Variants in SRD5A2 observed in about 807,000 individuals in gnomAD.
SRD5A2 encodes the protein 3-oxo-5-alpha-steroid 4-dehydrogenase 2.
Under a neutral mutation model 27.4 loss-of-function variants are expected in SRD5A2, and 30 were observed. The observed-to-expected ratio is 1.10, with a 90% CI of 0.82 to 1.49. The LOEUF (loss-of-function observed/expected upper bound fraction) is 1.49, where lower values mean the gene tolerates loss of function less well. Ranked by LOEUF, SRD5A2 falls within the 40% of genes most tolerant of loss-of-function variation. SRD5A2 has a pLI of 0.00. For synonymous variants in SRD5A2, 141 were observed against 133.6 expected (o/e 1.06, Z -0.38); for missense variants, 348 against 323.4 (o/e 1.08, Z -0.58).
Position 31,570,218 on chromosome 2 carries a change from G to A in SRD5A2, c.281+10402C>T, listed in dbSNP as rs532572881. Among the ~76,000 whole-genome samples, 8 of 152,228 alleles carry A rather than the reference G, an allele frequency of 5.3e-5. No homozygotes were observed. In the South Asian group the frequency reaches 1.7e-3, roughly 32 times the overall value. ...CTTTATCCCTGGGATACAAGGTTGA[G>A]TCAACATATGCAAATCAGTAAATGT... On this transcript the variant is annotated intron_variant, in intron 1 of 4. Transcript: ENST00000622030.
intron 1 of SRD5A2, among the ~76,000 whole-genome samples, chr2:31,545,386 A>G (rs1367614867): frequency 1.3e-5 from 2 of 152,176 alleles, no homozygotes; most frequent in Non-Finnish European, 2.9e-5. Flanking sequence ...ACCATGATCA[A>G]GTAAGACTTA....
the SRD5A2 span, among the ~76,000 whole-genome samples, chr2:31,635,950 T>C: frequency 1.3e-5 from 2 of 152,074 alleles, no homozygotes; most frequent in Non-Finnish European, 2.9e-5. Context: ...ACTGTATCTT[T>C]GTGGCAAAGT....
the SRD5A2 span, among the ~76,000 whole-genome samples, chr2:31,646,028 C>T: frequency 6.6e-6 from 1 of 152,082 alleles, no homozygotes; most frequent in Admixed American, 6.5e-5. Flanking sequence ...ACTTTACCTC[C>T]TTCATCTTTC....
the SRD5A2 span, among the ~76,000 whole-genome samples, chr2:31,616,923 G>A: frequency 3.3e-5 from 5 of 152,084 alleles, no homozygotes; most frequent in Non-Finnish European, 2.9e-5. Context: ...ATGTGTTGTG[G>A]GAGGAACCTG....
At chr2:31,636,523 T>C in the SRD5A2 span, among the ~76,000 whole-genome samples, 3 of 152,138 alleles carry the variant, frequency 2.0e-5, no homozygotes, top group African/African-American at 4.8e-5. Flanking sequence ...TGTTGAATAA[T>C]AGCAGTGAAA....
At position 31,526,158 on chromosome 2, in the gene SRD5A2, G is replaced by C. The variant is rs1665776534; in HGVS notation, c.*38C>G. On this transcript the variant is annotated 3_prime_UTR_variant, in exon 5 of 5. Coordinates refer to ENST00000622030, the MANE Select transcript of SRD5A2 (RefSeq NM_000348.4). Reference sequence around the variant, plus strand: ...TTCAGCAGCTTGACAGTTTTCATCAGCATTGTGGGAGCTCTGCTCCTTTTT... The same window carrying C: ...TTCAGCAGCTTGACAGTTTTCATCACCATTGTGGGAGCTCTGCTCCTTTTT... The C allele has an allele frequency of 2.3e-6, 3 of 1,333,166 alleles. No homozygotes were observed. The South Asian group carries it at 3.8e-5, about 17-fold the overall frequency. 82.6% of individuals were successfully genotyped at this position (1,333,166 alleles called of 1,614,324 possible). A position where few individuals can be genotyped will look rare whatever the true frequency, so the allele number is the denominator to read the frequency against.
At chr2:31,593,948 C>T in the SRD5A2 span, among the ~76,000 whole-genome samples, 1 of 152,148 alleles carries the variant, frequency 6.6e-6, no homozygotes, top group Non-Finnish European at 1.5e-5. Flanking sequence ...TGAAACTAAT[C>T]TTCATAAATG....
intron 2 of SRD5A2, 132 bp downstream of exon 2, chr2:31,533,471 T>G (rs1306826252): frequency 4.0e-6 from 3 of 751,790 alleles, no homozygotes; most frequent in Non-Finnish European, 6.4e-6. Context: ...AGAGAAAAGA[T>G]CAGGGTAGAG....
chr2:31,621,759 C>A, the SRD5A2 span, among the ~76,000 whole-genome samples: 4 of 152,162 alleles, frequency 2.6e-5, no homozygotes, highest in East Asian at 5.8e-4. Flanking sequence ...AGCCTCTGAT[C>A]TGGAGTAGCT....
chr2:31,523,438 A>C lies in SRD5A2; in HGVS notation c.*2758T>G, dbSNP rs1665702046. The stretch of plus-strand genomic sequence containing the variant: ...CTGACCCTCAAAGGGACAAAATGAG[A>C]TGGCTGCTCTGACCAGCTCTGTACC... On this transcript the variant is annotated 3_prime_UTR_variant, in exon 5 of 5. Coordinates refer to ENST00000622030, the MANE Select transcript of SRD5A2 (RefSeq NM_000348.4). 1 of 219,886 alleles carries C rather than the reference A, an allele frequency of 4.5e-6. No homozygotes were observed. The highest frequency in any genetic ancestry group is 9.1e-6 in the Non-Finnish European group (1 of 109,778). 13.6% of individuals were successfully genotyped at this position (219,886 alleles called of 1,614,324 possible). A position where few individuals can be genotyped will look rare whatever the true frequency, so the allele number is the denominator to read the frequency against.
chr2:31,623,441 C>T, the SRD5A2 span, among the ~76,000 whole-genome samples: 2 of 152,214 alleles, frequency 1.3e-5, no homozygotes, highest in South Asian at 2.1e-4. Context: ...ACCTCAATTA[C>T]GTTTCCACCA....
At chr2:31,580,064 G>T (rs1328704848) in intron 1 of SRD5A2, among the ~76,000 whole-genome samples, 2 of 152,042 alleles carry the variant, frequency 1.3e-5, no homozygotes, top group Non-Finnish European at 2.9e-5. Context: ...TCTGGATTTG[G>T]GCTCTACCCA....
At chr2:31,531,197 T>C (rs978170156) in intron 3 of SRD5A2, among the ~76,000 whole-genome samples, 174 bp downstream of exon 3, 2 of 152,138 alleles carry the variant, frequency 1.3e-5, no homozygotes, top group South Asian at 2.1e-4. Context: ...TGGGTTCAGA[T>C]TAGAAATGCA....
chr2:31,661,215 C>G, the SRD5A2 span, among the ~76,000 whole-genome samples: 1 of 152,140 alleles, frequency 6.6e-6, no homozygotes, highest in Non-Finnish European at 1.5e-5. Context: ...CATTTTTGAA[C>G]ATACCATTTC....
intron 1 of SRD5A2, among the ~76,000 whole-genome samples, chr2:31,552,771 TGAA>T (rs974159260): frequency 6.6e-6 from 1 of 152,154 alleles, no homozygotes; most frequent in African/African-American, 2.4e-5. Flanking sequence ...GGCTAATTGA[TGAA>T]GGTCTTTAAC....
At chr2:31,598,061 C>G in the SRD5A2 span, among the ~76,000 whole-genome samples, 1 of 152,064 alleles carries the variant, frequency 6.6e-6, no homozygotes, top group African/African-American at 2.4e-5. Flanking sequence ...AAATGCCCAT[C>G]AAGCAATGAA....
the SRD5A2 span, among the ~76,000 whole-genome samples, chr2:31,617,642 GA>G: frequency 6.6e-6 from 1 of 152,142 alleles, no homozygotes; most frequent in African/African-American, 2.4e-5. Flanking sequence ...TCTCTCTCAA[GA>G]TCAAAGTTCC....
chr2:31,550,119 A>T (rs773400051), intron 1 of SRD5A2, among the ~76,000 whole-genome samples: 1 of 152,118 alleles, frequency 6.6e-6, no homozygotes, highest in Non-Finnish European at 1.5e-5. Flanking sequence ...CTTAGAAACT[A>T]AACAGCATAC....
At chr2:31,541,331 C>T (rs143641452) in intron 1 of SRD5A2, among the ~76,000 whole-genome samples, 88 of 146,868 alleles carry the variant, frequency 6.0e-4, no homozygotes, top group African/African-American at 2.2e-3. Context: ...AATTGAAATA[C>T]CCAACTTTCA....
Sources: allele counts gnomAD v4.1 joint callset (sites outside exome capture counted in the v4.1 genomes callset), GRCh38; gene constraint gnomAD v4.1.1; transcripts MANE v1.5; gene names NCBI Gene and HGNC (gene_info 2026-07-23, HGNC 2026-07-21).